OASL: variants seen among roughly 807,000 people sequenced by gnomAD.
The protein encoded by OASL is 2'-5'-oligoadenylate synthetase like.
A neutral mutation model predicts 35.3 loss-of-function variants in OASL; 28 were observed. That is an observed-to-expected ratio of 0.79 (90% CI 0.59 to 1.09). The LOEUF (loss-of-function observed/expected upper bound fraction) is 1.09. OASL is among the 50% of genes least tolerant of loss of function. The probability of loss-of-function intolerance (pLI) is 0.00; values close to 1 mark genes in which losing one functional copy is unlikely to be tolerated. For missense variants in OASL, 620 were observed against 635.2 expected (o/e 0.98, Z 0.26); for synonymous variants, 252 against 254.6 (o/e 0.99, Z 0.10).
At chr12:121,027,674 G>C (rs767756742) in exon 4 of OASL, 21 of 1,614,070 alleles carry the variant, frequency 1.3e-5, no homozygotes. Context: ...CATACTCCAG[G>C]AGCAGGTCCA....
exon 6 of OASL, chr12:121,020,526 T>C: frequency 1.3e-6 from 2 of 1,563,398 alleles, no homozygotes; most frequent in Non-Finnish European, 1.7e-6. Context: ...CTGGAGTACA[T>C]GGCAGAAATG....
At chr12:121,031,828 A>C (rs1655696014) in intron 2 of OASL, among the ~76,000 whole-genome samples, 1 of 152,120 alleles carries the variant, frequency 6.6e-6, no homozygotes, top group African/African-American at 2.4e-5. Context: ...CTTTCCATGC[A>C]TCAGACCCCT....
intron 3 of OASL, among the ~76,000 whole-genome samples, chr12:121,029,238 A>C (rs1040492145): frequency 1.8e-4 from 27 of 152,210 alleles, no homozygotes; most frequent in African/African-American, 6.3e-4. Flanking sequence ...AGGAGAAAAA[A>C]AAAAGCTATA....
intron 1 of OASL, 68 bp downstream of exon 1, chr12:121,038,706 A>T (rs975610918): frequency 6.5e-7 from 1 of 1,529,192 alleles, no homozygotes; most frequent in Admixed American, 1.7e-5. Flanking sequence ...GGTCCCCAGC[A>T]TCCCCAGGGA....
At chr12:121,027,523 G>A in intron 4 of OASL, 53 bp downstream of exon 4, 1 of 1,607,686 alleles carries the variant, frequency 6.2e-7, no homozygotes, top group Non-Finnish European at 8.5e-7. Context: ...CGTTACACTA[G>A]CCCGTCTCTC....
chr12:121,032,202 A>G (rs1869765738), intron 2 of OASL, among the ~76,000 whole-genome samples: 1 of 151,822 alleles, frequency 6.6e-6, no homozygotes, highest in African/African-American at 2.4e-5. Context: ...CAAAAAATAT[A>G]TATATATATA....
intron 4 of OASL, among the ~76,000 whole-genome samples, chr12:121,026,543 C>T (rs969004441): frequency 4.6e-5 from 7 of 152,116 alleles, no homozygotes; most frequent in African/African-American, 1.2e-4. Context: ...CCACTGGAGG[C>T]GATCTTTAGG....
chr12:121,037,271 G>A (rs1445449929), intron 1 of OASL, among the ~76,000 whole-genome samples: 3 of 152,104 alleles, frequency 2.0e-5, no homozygotes, highest in East Asian at 1.9e-4. Flanking sequence ...TGAGTCATTG[G>A]TGAGACTGTC....
Position 121,031,714 on chromosome 12 carries a change from ATCCC to A in OASL, c.482-101_482-98del, listed in dbSNP as rs1869743422. ...GAGAGCCTGCCTTTACATTGGAAGT[ATCCC>A]TCCAGGGACACTTGAGACCTCATAT... is the stretch of plus-strand genomic sequence containing the variant. On this transcript the variant is annotated intron_variant, in intron 2 of 5. Coordinates refer to ENST00000257570, the Ensembl canonical transcript of OASL. 7.8e-6 allele frequency: 8 copies of A among 1,019,218 alleles called. No homozygotes were observed. In the South Asian group the frequency reaches 1.1e-4, roughly 14 times the overall value. The allele number at this position is 1,019,218 out of a possible 1,614,324, so 63.1% of individuals were successfully genotyped here.
chr12:121,025,804 C>T (rs1592933914), intron 4 of OASL, among the ~76,000 whole-genome samples: 1 of 151,724 alleles, frequency 6.6e-6, no homozygotes, highest in East Asian at 1.9e-4. Flanking sequence ...AAAAACCCAG[C>T]CCTTTGTACT....
chr12:121,025,503 G>A (rs149344214), intron 4 of OASL, among the ~76,000 whole-genome samples: 67 of 152,168 alleles, frequency 4.4e-4, no homozygotes, highest in African/African-American at 1.3e-3. Context: ...AGTGGCTCAC[G>A]CCTATAATCC....
chr12:121,034,196 C>CTCT (rs1555215929), intron 1 of OASL, among the ~76,000 whole-genome samples: 2 of 146,786 alleles, frequency 1.4e-5, no homozygotes, highest in African/African-American at 5.0e-5. Context: ...AGCCCAGACT[C>CTCT]TTTTTTTTTT....
chr12:121,029,438 C>G (rs958657139), intron 3 of OASL, among the ~76,000 whole-genome samples: 4 of 152,208 alleles, frequency 2.6e-5, no homozygotes, highest in African/African-American at 7.2e-5. Flanking sequence ...CCTGTAATCC[C>G]AGCACTTTGG....
At position 121,020,974 on chromosome 12, in the gene OASL, T is replaced by G. The variant is rs1431846194; in HGVS notation, c.1132A>C (p.Lys378Gln). The change falls in exon 6 of 6, where the codon AAG becomes CAG. Residue 378 changes from lysine to glutamine, a missense_variant. By Grantham distance (53) the Lys-to-Gln change is moderately conservative (BLOSUM62 1). Transcript: ENST00000257570. ...GTCCTCCGGATTTTCTCTTTAACCT[T>G]CCTTATGGGCTCATAAGGGTTCACG... 5 of 1,613,920 alleles carry G rather than the reference T, an allele frequency of 3.1e-6. No individual in the cohort carries two copies. The South Asian group carries it at 5.5e-5, about 18-fold the overall frequency.
exon 4 of OASL, chr12:121,027,670 C>G: frequency 6.2e-7 from 1 of 1,614,156 alleles, no homozygotes; most frequent in Admixed American, 1.7e-5. Flanking sequence ...ACTTCATACT[C>G]CAGGAGCAGG....
At chr12:121,029,064 G>GAAAAAAAAAAAAAA (rs10577200) in intron 3 of OASL, among the ~76,000 whole-genome samples, 3 of 105,092 alleles carry the variant, frequency 2.9e-5, no homozygotes, top group Non-Finnish European at 3.7e-5. Context: ...ACTTGTCTCA[G>GAAAAAAAAAAAAAA]AAAAAAAAAA....
At position 121,028,624 on chromosome 12, in the gene OASL, C is replaced by G. The variant is rs371001089; in HGVS notation, c.658-807G>C. On this transcript the variant is annotated intron_variant, in intron 3 of 5. Coordinates refer to ENST00000257570, the Ensembl canonical transcript of OASL. Reference sequence around the variant, plus strand: ...CACCAGTGCCTGAAACCCGCCCCCCCCGCCCGCCCCCCCTACTGTTTAGGG... The same window carrying G: ...CACCAGTGCCTGAAACCCGCCCCCCGCGCCCGCCCCCCCTACTGTTTAGGG... 1.3e-4 allele frequency among the ~76,000 whole-genome samples: 18 copies of G among 136,740 alleles called. No homozygotes were observed. The East Asian group carries it at 3.7e-3, about 28-fold the overall frequency. 89.7% of individuals were successfully genotyped at this position (136,740 alleles called of 152,430 possible).
In OASL at chr12:121,023,289, TTTTTTC is replaced by T. The variant is rs912498820; in HGVS notation, c.1047+695_1047+700del. On this transcript the variant is annotated intron_variant, in intron 5 of 5. Coordinates refer to ENST00000257570, the Ensembl canonical transcript of OASL. ...TGAGGGTGGTGTCTTTTTTTTTTCT[TTTTTTC>T]TTTTTTTTTTGAGGCAGAGTTTCCC... Among the ~76,000 whole-genome samples the T allele has an allele frequency of 1.8e-4, 24 of 131,328 alleles. 1 individual carries two copies. The highest frequency in any genetic ancestry group is 3.1e-4 in the Non-Finnish European group (18 of 58,856). The allele number at this position is 131,328 out of a possible 152,430, so 86.2% of individuals were successfully genotyped here.
chr12:121,039,192 G>A (rs1870084653), exon 1 of OASL: 2 of 565,608 alleles, frequency 3.5e-6, no homozygotes, highest in African/African-American at 3.7e-5. Context: ...GAGGACTCTG[G>A]GCTGAGGCTG....
Sources: gnomAD v4.1 joint callset for allele counts (sites outside exome capture counted in the v4.1 genomes callset) on GRCh38, gnomAD v4.1.1 for gene constraint, MANE v1.5 for transcripts, NCBI Gene and HGNC (gene_info 2026-07-23, HGNC 2026-07-21) for gene names.